Variants in MYO6 observed in about 807,000 individuals in gnomAD.
MYO6 encodes the protein unconventional myosin-VI.
A neutral mutation model predicts 178.7 loss-of-function variants in MYO6; 74 were observed. The ratio of observed to expected loss-of-function variants is 0.41; its 90% CI spans 0.34 to 0.50. The LOEUF (loss-of-function observed/expected upper bound fraction) is 0.50. MYO6 is among the 20% of genes least tolerant of loss of function. The pLI is 0.09. For synonymous variants in MYO6, 477 were observed against 504.6 expected (o/e 0.95, Z 0.73); for missense variants, 1,330 against 1,547.4 (o/e 0.86, Z 2.36).
chr6:75,818,021 T>G (rs929279175), intron 2 of MYO6, among the ~76,000 whole-genome samples: 2 of 152,132 alleles, frequency 1.3e-5, no homozygotes, highest in Admixed American at 1.3e-4. Context: ...GTTATTAGTG[T>G]GTCTGTGATC....
At chr6:75,809,343 G>C (rs1770435092) in intron 1 of MYO6, among the ~76,000 whole-genome samples, 1 of 152,142 alleles carries the variant, frequency 6.6e-6, no homozygotes, top group Non-Finnish European at 1.5e-5. Context: ...AGACATCAAG[G>C]GCATGGAAAG....
intron 30 of MYO6, among the ~76,000 whole-genome samples, chr6:75,907,402 A>G (rs866588060): frequency 1.3e-5 from 2 of 152,192 alleles, no homozygotes; most frequent in South Asian, 2.1e-4. Flanking sequence ...TAATGTGACT[A>G]TCGAGTGGCA....
chr6:75,841,139 ATAATT>A, intron 8 of MYO6, 70 bp from the exon 9 acceptor site: 10 of 1,405,084 alleles, frequency 7.1e-6, no homozygotes, highest in Non-Finnish European at 9.9e-6. Flanking sequence ...GAAAAGGTAA[ATAATT>A]TAACATTGGT....
At position 75,907,529 on chromosome 6, in the gene MYO6, A is replaced by G. The variant is rs911103208; in HGVS notation, c.3177-76A>G. The G allele has an allele frequency of 3.7e-5, 44 of 1,180,106 alleles. No homozygotes were observed. In the African/African-American group the frequency reaches 6.2e-4, roughly 17 times the overall value. 73.1% of individuals were successfully genotyped at this position (1,180,106 alleles called of 1,614,324 possible). A position where few individuals can be genotyped will look rare whatever the true frequency, so the allele number is the denominator to read the frequency against. On this transcript the variant is annotated intron_variant, in intron 30 of 34. Transcript: ENST00000369977. ...CTGTTTCCGGTTTTCAAACTTATGCATGCTTTCTTGCCTCTTTAGTCAATG... is the reference window on the plus strand; with the variant it reads ...CTGTTTCCGGTTTTCAAACTTATGCGTGCTTTCTTGCCTCTTTAGTCAATG...
Position 75,861,594 on chromosome 6 carries a change from T to C in MYO6, c.1546+499T>C, listed in dbSNP as rs921807710. On this transcript the variant is annotated intron_variant, in intron 15 of 34. Coordinates refer to ENST00000369977, the MANE Select transcript of MYO6 (RefSeq NM_004999.4). ...AATAGAGGCTCTGCTTTCATTTTAG[T>C]GGTAAAGAAACCTTTCCCTATAGCC... is the stretch of plus-strand genomic sequence containing the variant. 4.4e-4 allele frequency among the ~76,000 whole-genome samples: 67 copies of C among 152,232 alleles called. 1 individual carries two copies. The highest frequency in any genetic ancestry group is 4.1e-3 in the Admixed American group (63 of 15,282).
intron 33 of MYO6, 56 bp downstream of exon 33, chr6:75,911,754 A>G: frequency 2.0e-6 from 3 of 1,506,278 alleles, no homozygotes; most frequent in Non-Finnish European, 1.8e-6. Context: ...AAAATACTTT[A>G]CAAAGTACTA....
At chr6:75,874,519 A>G (rs891575164) in intron 20 of MYO6, among the ~76,000 whole-genome samples, 2 of 152,220 alleles carry the variant, frequency 1.3e-5, no homozygotes, top group African/African-American at 2.4e-5. Context: ...CTTGTCTGCT[A>G]TCAAGCACTT....
rs138015654 is a variant in MYO6 at position 75,893,579 on chromosome 6, C to T, written c.3107+889C>T. Among the ~76,000 whole-genome samples the T allele has an allele frequency of 2.6e-5, 4 of 152,054 alleles. No individual in the cohort carries two copies. The East Asian group carries it at 5.8e-4, about 22-fold the overall frequency. On this transcript the variant is annotated intron_variant, in intron 28 of 34. Coordinates refer to ENST00000369977, the MANE Select transcript of MYO6 (RefSeq NM_004999.4). Reference sequence around the variant, plus strand: ...GAATATTTGGCAAAAAAACAAAAGACGGGGAAGGAAAAGGGCATATTGAGT... The same window carrying T: ...GAATATTTGGCAAAAAAACAAAAGATGGGGAAGGAAAAGGGCATATTGAGT...
chr6:75,807,312 C>G (rs1040753030), intron 1 of MYO6, among the ~76,000 whole-genome samples: 9 of 152,068 alleles, frequency 5.9e-5, no homozygotes, highest in African/African-American at 2.2e-4. Flanking sequence ...AGTGGTGTCT[C>G]TGTGTGTCTG....
intron 1 of MYO6, among the ~76,000 whole-genome samples, chr6:75,800,869 T>G (rs1159376211): frequency 6.6e-6 from 1 of 152,152 alleles, no homozygotes; most frequent in Non-Finnish European, 1.5e-5. Flanking sequence ...TACAGGTGCA[T>G]GCCACCACAC....
intron 1 of MYO6, among the ~76,000 whole-genome samples, chr6:75,756,911 A>ATG (rs1777416630): frequency 3.2e-5 from 1 of 31,064 alleles, no homozygotes; most frequent in African/African-American, 5.4e-5. Flanking sequence ...ATATATATAT[A>ATG]CACATATATA....
At chr6:75,751,302 G>GT (rs570168593) in intron 1 of MYO6, among the ~76,000 whole-genome samples, 29 of 152,174 alleles carry the variant, frequency 1.9e-4, no homozygotes, top group African/African-American at 6.3e-4. Context: ...GTGACATGCT[G>GT]TTTATCATTC....
intron 1 of MYO6, among the ~76,000 whole-genome samples, chr6:75,753,064 A>G (rs1209984697): frequency 2.0e-5 from 3 of 152,178 alleles, no homozygotes; most frequent in East Asian, 3.8e-4. Context: ...TCTGTGGAAT[A>G]TCCCTTGAGC....
intron 19 of MYO6, among the ~76,000 whole-genome samples, chr6:75,872,765 G>A (rs555543245): frequency 1.1e-3 from 165 of 151,186 alleles, no homozygotes; most frequent in African/African-American, 3.8e-3. Flanking sequence ...AGCAGAAAAA[G>A]TATGCTTGTA....
At chr6:75,877,074 T>C (rs956686550) in intron 20 of MYO6, among the ~76,000 whole-genome samples, 1 of 151,594 alleles carries the variant, frequency 6.6e-6, no homozygotes, top group Non-Finnish European at 1.5e-5. Context: ...GCCTCCCAGG[T>C]TCAAGCAATT....
chr6:75,855,059 A>C, intron 11 of MYO6, 80 bp from the exon 12 acceptor site: 1 of 1,242,266 alleles, frequency 8.0e-7, no homozygotes, highest in South Asian at 1.3e-5. Context: ...TTGTAAGTGA[A>C]GTATAATTCT....
chr6:75,834,634 G>A (rs1773462408), intron 6 of MYO6, among the ~76,000 whole-genome samples: 1 of 152,178 alleles, frequency 6.6e-6, no homozygotes, highest in South Asian at 2.1e-4. Context: ...GTTAGATCTA[G>A]TGGTTGAACT....
In MYO6 at chr6:75,752,642, G is replaced by T. The variant is rs533264862; in HGVS notation, c.-48+3219G>T. On this transcript the variant is annotated intron_variant, in intron 1 of 34. Coordinates refer to ENST00000369977, the MANE Select transcript of MYO6 (RefSeq NM_004999.4). ...TGTCAAAGAATGTAATTCAAGGTTT[G>T]ACAAAAGCATCCAGGAGTAGATATG... Among the ~76,000 whole-genome samples the T allele has an allele frequency of 1.8e-4, 28 of 152,308 alleles. No homozygotes were observed. In the East Asian group the frequency reaches 5.2e-3, roughly 28 times the overall value.
chr6:75,848,572 A>G, intron 11 of MYO6, 41 bp downstream of exon 11: 1 of 1,580,250 alleles, frequency 6.3e-7, no homozygotes, highest in Non-Finnish European at 8.6e-7. Context: ...AATTAAATAG[A>G]ATTTCTGTTA....
Sources: gnomAD v4.1 joint callset for allele counts (sites outside exome capture counted in the v4.1 genomes callset) on GRCh38, gnomAD v4.1.1 for gene constraint, MANE v1.5 for transcripts, NCBI Gene and HGNC (gene_info 2026-07-23, HGNC 2026-07-21) for gene names.